AP1B1: variants seen among roughly 807,000 people sequenced by gnomAD.
AP1B1 encodes adaptor related protein complex 1 subunit beta 1.
Under a neutral mutation model 104.3 loss-of-function variants are expected in AP1B1, and 36 were observed. The ratio of observed to expected loss-of-function variants is 0.35; its 90% CI spans 0.26 to 0.46. The LOEUF (loss-of-function observed/expected upper bound fraction) is 0.46, where lower values mean the gene tolerates loss of function less well. Among genes scored for constraint, AP1B1 ranks in the 20% least tolerant of loss-of-function variants. AP1B1 has a pLI of 1.00. For missense variants in AP1B1, 901 were observed against 1,247.9 expected, an observed-to-expected ratio of 0.72 and a Z score of 4.19; for synonymous variants, 504 against 517.5, an observed-to-expected ratio of 0.97 and a Z score of 0.35.
intron 11 of AP1B1, among the ~76,000 whole-genome samples, chr22:29,345,292 A>C (rs2061775195): frequency 6.6e-6 from 1 of 150,668 alleles, no homozygotes; most frequent in Non-Finnish European, 1.5e-5. Flanking sequence ...TCCTGGACTC[A>C]AAAGATCCTC....
intron 1 of AP1B1, among the ~76,000 whole-genome samples, chr22:29,388,041 C>A (rs1241939072): frequency 6.6e-6 from 1 of 152,104 alleles, no homozygotes; most frequent in East Asian, 1.9e-4. Flanking sequence ...TCTTTTTCAA[C>A]CTTGGCAAAG....
chr22:29,336,729 CG>C (rs1289873807), intron 16 of AP1B1, among the ~76,000 whole-genome samples: 1 of 150,718 alleles, frequency 6.6e-6, no homozygotes, highest in Non-Finnish European at 1.5e-5. Context: ...GCTTGAACCC[CG>C]GAGACACAGG....
chr22:29,348,114 T>C (rs951333262), intron 11 of AP1B1, among the ~76,000 whole-genome samples: 1 of 152,104 alleles, frequency 6.6e-6, no homozygotes, highest in Admixed American at 6.5e-5. Context: ...TACAGTTGAT[T>C]CTCACTACTT....
intron 16 of AP1B1, among the ~76,000 whole-genome samples, chr22:29,335,793 A>G (rs2061629565): frequency 6.7e-6 from 1 of 150,064 alleles, no homozygotes; most frequent in Non-Finnish European, 1.5e-5. Flanking sequence ...GCGCCTCCCC[A>G]CCCCCATCCT....
At chr22:29,341,836 A>C in intron 12 of AP1B1, 76 bp from the exon 13 acceptor site, 1 of 1,510,880 alleles carries the variant, frequency 6.6e-7, no homozygotes, top group South Asian at 1.3e-5. Flanking sequence ...TGCAGCCATG[A>C]GCCAGGTGCG....
At chr22:29,359,515 GAGA>G (rs1222691898) in intron 4 of AP1B1, among the ~76,000 whole-genome samples, 1 of 152,266 alleles carries the variant, frequency 6.6e-6, no homozygotes, top group East Asian at 1.9e-4. Context: ...AAGGGCAACA[GAGA>G]AGCTCTCGGG....
chr22:29,329,232 C>G, intron 22 of AP1B1: 1 of 1,202,348 alleles, frequency 8.3e-7, no homozygotes, highest in Non-Finnish European at 1.0e-6. Context: ...CCCTGAAGGT[C>G]TGGGGTCCTC....
chr22:29,349,887 G>A (rs2061847544), intron 10 of AP1B1, 148 bp downstream of exon 10: 1 of 676,292 alleles, frequency 1.5e-6, no homozygotes, highest in Non-Finnish European at 2.6e-6. Flanking sequence ...GGGCAGTGTG[G>A]ACGAAATAAA....
intron 8 of AP1B1, 177 bp downstream of exon 8, chr22:29,351,528 A>G (rs2061874358): frequency 1.1e-6 from 1 of 904,608 alleles, no homozygotes; most frequent in Non-Finnish European, 1.7e-6. Context: ...AACATTCTTT[A>G]GTAATAAAAA....
rs2061503228 is a variant in AP1B1 at position 29,327,962 on chromosome 22, C to T, written c.*859G>A. 1 of 152,712 alleles carries T rather than the reference C, an allele frequency of 6.5e-6. No homozygotes were observed. The highest frequency in any genetic ancestry group is 2.4e-5 in the African/African-American group (1 of 41,418). The allele number at this position is 152,712 out of a possible 1,614,324, so 9.5% of individuals were successfully genotyped here. The stretch of plus-strand genomic sequence containing the variant: ...GGGAGGCCAGGAGGAGGGCAGCAGA[C>T]ACTACAGAGAAACCCCGAAGAAACC... On this transcript the variant is annotated 3_prime_UTR_variant, in exon 23 of 23. Transcript: ENST00000357586.
chr22:29,350,822 A>G (rs902166762), intron 9 of AP1B1, among the ~76,000 whole-genome samples: 1 of 152,224 alleles, frequency 6.6e-6, no homozygotes, highest in Admixed American at 6.5e-5. Flanking sequence ...AATGATGACA[A>G]TATTTGCCAA....
chr22:29,359,361 C>A (rs143392945), intron 4 of AP1B1, among the ~76,000 whole-genome samples: 1 of 152,092 alleles, frequency 6.6e-6, no homozygotes, highest in Admixed American at 6.6e-5. Context: ...TATCCGAGCA[C>A]GGACAGGACT....
chr22:29,340,994 C>T, intron 13 of AP1B1, 137 bp from the exon 14 acceptor site: 1 of 831,558 alleles, frequency 1.2e-6, no homozygotes, highest in Non-Finnish European at 1.9e-6. Flanking sequence ...GTCCACACGG[C>T]CCCACTTCTT....
At chr22:29,350,337 T>C (rs1057111751) in intron 9 of AP1B1, among the ~76,000 whole-genome samples, 187 bp from the exon 10 acceptor site, 3 of 152,112 alleles carry the variant, frequency 2.0e-5, no homozygotes, top group African/African-American at 7.2e-5. Flanking sequence ...GGCCCTAGGA[T>C]GGTGGGGACA....
rs750013781 is a variant in AP1B1 at position 29,341,697 on chromosome 22, G to T, written c.1600C>A (p.Pro534Thr). 1.9e-6 allele frequency: 3 copies of T among 1,614,040 alleles called. No homozygotes were observed. The East Asian group carries it at 6.7e-5, about 36-fold the overall frequency. ...YIYWRLLSTD[P>T]VAAKEVVLAE... is the part of the protein sequence containing the mutation. Reference sequence around the variant, plus strand: ...AACACCACCTCCTTGGCTGCCACCGGGTCCGTGGACAGCAGGCGCCAGTAG... The same window carrying T: ...AACACCACCTCCTTGGCTGCCACCGTGTCCGTGGACAGCAGGCGCCAGTAG... The change falls in exon 13 of 23, where the codon CCG becomes ACG. Residue 534 changes from proline to threonine, a missense_variant. This residue lies in a region of AP1B1 where 471 missense variants were observed against 696.7 expected (regional missense o/e 0.68). Transcript: ENST00000357586.
intron 14 of AP1B1, 114 bp from the exon 15 acceptor site, chr22:29,339,888 G>T: frequency 8.8e-7 from 1 of 1,138,284 alleles, no homozygotes; most frequent in South Asian, 1.3e-5. Flanking sequence ...ATTAGTCAAC[G>T]GTAGCTCCAT....
chr22:29,379,086 G>C (rs931182387), intron 1 of AP1B1, among the ~76,000 whole-genome samples: 1 of 152,190 alleles, frequency 6.6e-6, no homozygotes, highest in African/African-American at 2.4e-5. Context: ...GGGCGCAGTG[G>C]CTCATGCCTG....
At chr22:29,353,168 G>C (rs1048003394) in intron 7 of AP1B1, among the ~76,000 whole-genome samples, 13 of 152,168 alleles carry the variant, frequency 8.5e-5, no homozygotes, top group African/African-American at 2.9e-4. Context: ...CCAGAACAGA[G>C]AGGAGGAAGG....
At chr22:29,336,517 C>G (rs572637466) in intron 16 of AP1B1, among the ~76,000 whole-genome samples, 1 of 152,178 alleles carries the variant, frequency 6.6e-6, no homozygotes, top group Non-Finnish European at 1.5e-5. Flanking sequence ...AAGACAAACA[C>G]ATGGCTGGGC....
Sources: allele counts gnomAD v4.1 joint callset (sites outside exome capture counted in the v4.1 genomes callset), GRCh38; gene constraint gnomAD v4.1.1; regional missense constraint gnomAD v4.1.1; transcripts MANE v1.5; gene names NCBI Gene and HGNC (gene_info 2026-07-23, HGNC 2026-07-21).